The following TMEM236 variants were observed in gnomAD, a reference collection of about 807,000 sequenced individuals.
TMEM236 encodes family with sequence similarity 23, member A.
A neutral mutation model predicts 14.7 loss-of-function variants in TMEM236; 11 were observed. The observed-to-expected ratio is 0.75, with a 90% confidence interval of 0.47 to 1.24. The LOEUF (loss-of-function observed/expected upper bound fraction) is 1.24. Ranked by LOEUF, TMEM236 falls within the 50% of genes most tolerant of loss-of-function variation. The probability of loss-of-function intolerance (pLI) is 0.00; values close to 1 mark genes in which losing one functional copy is unlikely to be tolerated. For synonymous variants in TMEM236, 182 were observed against 168.6 expected (o/e 1.08, Z -0.62); for missense variants, 464 against 427.3 (o/e 1.09, Z -0.76).
chr10:17,785,165 A>G (rs1837813515), intron 3 of TMEM236, among the ~76,000 whole-genome samples: 1 of 152,218 alleles, frequency 6.6e-6, no homozygotes, highest in African/African-American at 2.4e-5. Flanking sequence ...TTTTATGGAA[A>G]GTCTAAGCTA....
intron 1 of TMEM236, among the ~76,000 whole-genome samples, chr10:17,770,802 A>G (rs1460682231): frequency 6.6e-6 from 1 of 152,210 alleles, no homozygotes; most frequent in Non-Finnish European, 1.5e-5. Context: ...TTGAAAAATT[A>G]TGTCATTTTT....
At chr10:17,784,728 T>A (rs999825682) in intron 3 of TMEM236, among the ~76,000 whole-genome samples, 39 of 152,190 alleles carry the variant, frequency 2.6e-4, no homozygotes, top group Non-Finnish European at 5.0e-4. Context: ...CAAGGGGAAT[T>A]TACATCAGAT....
intron 2 of TMEM236, among the ~76,000 whole-genome samples, chr10:17,774,683 A>G (rs960647814): frequency 1.6e-4 from 24 of 152,068 alleles, no homozygotes; most frequent in East Asian, 5.8e-4. Context: ...TTTAATTTTC[A>G]TATAAATTTT....
At chr10:17,790,629 C>G (rs1435108908) in intron 3 of TMEM236, among the ~76,000 whole-genome samples, 1 of 152,068 alleles carries the variant, frequency 6.6e-6, no homozygotes, top group African/African-American at 2.4e-5. Flanking sequence ...TTCCCTTTGT[C>G]CTCTGAAATT....
intron 1 of TMEM236, among the ~76,000 whole-genome samples, chr10:17,762,785 A>G (rs1554834096): frequency 6.6e-6 from 1 of 151,296 alleles, no homozygotes; most frequent in Non-Finnish European, 1.5e-5. Flanking sequence ...CTCCCTGAGT[A>G]GCTGGGCTAC....
At chr10:17,759,547 T>A (rs1398503213) in intron 1 of TMEM236, among the ~76,000 whole-genome samples, 2 of 152,194 alleles carry the variant, frequency 1.3e-5, no homozygotes, top group African/African-American at 4.8e-5. Flanking sequence ...GTGGTGGTGA[T>A]CATAGTAGTA....
chr10:17,793,629 G>T (rs1208029794), intron 3 of TMEM236, among the ~76,000 whole-genome samples: 2 of 152,038 alleles, frequency 1.3e-5, no homozygotes, highest in Non-Finnish European at 2.9e-5. Flanking sequence ...GATTCCAGGT[G>T]CCCACCACCA....
At chr10:17,770,770 A>G (rs1837558176) in intron 1 of TMEM236, among the ~76,000 whole-genome samples, 1 of 152,248 alleles carries the variant, frequency 6.6e-6, no homozygotes, top group South Asian at 2.1e-4. Context: ...TGCAAGGTTT[A>G]AGAAGTGGTC....
intron 3 of TMEM236, among the ~76,000 whole-genome samples, chr10:17,777,589 C>T (rs1408367410): frequency 6.6e-6 from 1 of 151,782 alleles, no homozygotes; most frequent in Non-Finnish European, 1.5e-5. Flanking sequence ...CGGCTGCACC[C>T]AGCGTTAAAT....
intron 3 of TMEM236, among the ~76,000 whole-genome samples, chr10:17,790,770 A>G (rs1589152995): frequency 6.6e-6 from 1 of 152,044 alleles, no homozygotes; most frequent in Non-Finnish European, 1.5e-5. Context: ...GATTCCTCTA[A>G]CCATTTTCCC....
chr10:17,794,578 C>T (rs1048159514), intron 3 of TMEM236, among the ~76,000 whole-genome samples: 1,646 of 152,256 alleles, frequency 0.011, 34 homozygotes, highest in African/African-American at 0.038. Context: ...GGTGTTGCAT[C>T]ACGTGCCCTA....
intron 2 of TMEM236, among the ~76,000 whole-genome samples, chr10:17,774,029 T>TTTTTGTTTG (rs1469948197): frequency 1.5e-5 from 2 of 133,494 alleles, no homozygotes; most frequent in Non-Finnish European, 3.4e-5. Context: ...ATATATATAT[T>TTTTTGTTTG]TTTGTTTGTT....
intron 3 of TMEM236, among the ~76,000 whole-genome samples, chr10:17,794,229 G>A (rs1212573068): frequency 2.0e-5 from 3 of 152,048 alleles, no homozygotes; most frequent in East Asian, 3.9e-4. Context: ...TCAGTTCCAC[G>A]CGCTTCAACA....
At position 17,768,085 on chromosome 10, in the gene TMEM236, G is replaced by GTTTTTTTTTTT. The variant is rs1181734908; in HGVS notation, c.258-3224_258-3223insTTTTTTTTTTT. On this transcript the variant is annotated intron_variant, in intron 1 of 3. Coordinates refer to ENST00000377495, the MANE Select transcript of TMEM236 (RefSeq NM_001098844.3). Reference sequence around the variant, plus strand: ...ACCACCACACCTCGCTAATTTTTGTGGTTTTTTTTTTTTTTTTTTTTTTGT... The same window carrying GTTTTTTTTTTT: ...ACCACCACACCTCGCTAATTTTTGTGTTTTTTTTTTTGTTTTTTTTTTTTTTTTTTTTTTGT... Among the ~76,000 whole-genome samples the GTTTTTTTTTTT allele has an allele frequency of 2.5e-4, 25 of 98,824 alleles. 4 individuals are homozygous for GTTTTTTTTTTT. Among genetic ancestry groups the GTTTTTTTTTTT allele is most frequent in the East Asian group, 7.8e-4 (3 of 3,828 alleles). The allele number at this position is 98,824 out of a possible 152,430, so 64.8% of individuals were successfully genotyped here.
At chr10:17,754,787 A>G (rs1554833608) in intron 1 of TMEM236, among the ~76,000 whole-genome samples, 1 of 152,186 alleles carries the variant, frequency 6.6e-6, no homozygotes, top group African/African-American at 2.4e-5. Flanking sequence ...TGATCCACAT[A>G]AGGGTATTGA....
At chr10:17,783,264 G>T (rs1322869908) in intron 3 of TMEM236, among the ~76,000 whole-genome samples, 2 of 152,174 alleles carry the variant, frequency 1.3e-5, no homozygotes, top group South Asian at 2.1e-4. Context: ...GGTTACACAG[G>T]CTGGGAATGT....
At chr10:17,757,498 C>G (rs1224110622) in intron 1 of TMEM236, among the ~76,000 whole-genome samples, 3 of 151,134 alleles carry the variant, frequency 2.0e-5, no homozygotes, top group African/African-American at 7.3e-5. Flanking sequence ...GCTCTGGGAG[C>G]TAAAGGGGGA....
At chr10:17,766,094 G>T (rs1837458208) in intron 1 of TMEM236, among the ~76,000 whole-genome samples, 1 of 152,144 alleles carries the variant, frequency 6.6e-6, no homozygotes, top group African/African-American at 2.4e-5. Flanking sequence ...TTGCAATATG[G>T]ATAGCCTGAG....
chr10:17,753,877 T>C (rs959814584), intron 1 of TMEM236, among the ~76,000 whole-genome samples: 5,696 of 152,310 alleles, frequency 0.037, 202 homozygotes, highest in East Asian at 0.22. Flanking sequence ...AGTGTATAAG[T>C]ATTCCTGAAA....
Sources: allele counts gnomAD v4.1 joint callset (sites outside exome capture counted in the v4.1 genomes callset), GRCh38; gene constraint gnomAD v4.1.1; transcripts MANE v1.5; gene names NCBI Gene and HGNC (gene_info 2026-07-23, HGNC 2026-07-21).